CALN1: variants seen among roughly 807,000 people sequenced by gnomAD.
CALN1 encodes the protein calcium-binding protein 8.
CALN1 carries 17 observed loss-of-function variants against 30.6 expected under a neutral mutation model. That is an observed-to-expected ratio of 0.56 (90% confidence interval 0.38 to 0.83). CALN1 has a LOEUF of 0.83. Among genes scored for constraint, CALN1 ranks in the 40% least tolerant of loss-of-function variants. CALN1 has a pLI of 0.00. For missense variants in CALN1, 291 were observed against 354.9 expected (o/e 0.82, Z 1.45); for synonymous variants, 156 against 131.4 (o/e 1.19, Z -1.28).
the CALN1 span, among the ~76,000 whole-genome samples, chr7:72,470,663 T>C: frequency 6.6e-6 from 1 of 152,154 alleles, no homozygotes; most frequent in Non-Finnish European, 1.5e-5. Context: ...AAATATAAAA[T>C]TAAAATTAAA....
intron 3 of CALN1, among the ~76,000 whole-genome samples, chr7:72,122,631 T>TG (rs1161303744): frequency 1.3e-5 from 2 of 151,944 alleles, no homozygotes; most frequent in African/African-American, 4.8e-5. Context: ...GAGACTGAGG[T>TG]GGGGGGATCA....
At chr7:72,139,758 CCTT>C (rs1809761998) in intron 3 of CALN1, among the ~76,000 whole-genome samples, 1 of 152,232 alleles carries the variant, frequency 6.6e-6, no homozygotes, top group Non-Finnish European at 1.5e-5. Flanking sequence ...CTCTGCCCCT[CCTT>C]AACCCACCCT....
rs142146119 is a variant in CALN1 at position 71,810,126 on chromosome 7, A to G, written c.658+210T>C. Among the ~76,000 whole-genome samples the G allele has an allele frequency of 4.3e-3, 660 of 152,260 alleles. 2 individuals carry two copies. The highest frequency in any genetic ancestry group is 0.014 in the African/African-American group (561 of 41,548). ...AAGACAGGGTCAGTGGAGATTCTGC[A>G]AAAAATGCAGAATTTGGAGGAGAAA... On this transcript the variant is annotated intron_variant, in intron 6 of 6. Transcript: ENST00000395275.
chr7:72,091,304 C>T (rs1227491109), intron 4 of CALN1, among the ~76,000 whole-genome samples: 1 of 152,222 alleles, frequency 6.6e-6, no homozygotes, highest in Non-Finnish European at 1.5e-5. Context: ...GCACTCCAGT[C>T]TGGGTGACAG....
intron 2 of CALN1, among the ~76,000 whole-genome samples, chr7:72,354,630 C>G (rs1463989270): frequency 6.6e-6 from 1 of 152,190 alleles, no homozygotes; most frequent in Admixed American, 6.5e-5. Context: ...TAGGAATAGA[C>G]TCACTTGCGT....
intron 5 of CALN1, among the ~76,000 whole-genome samples, chr7:71,898,846 A>C (rs866240831): frequency 7.2e-5 from 11 of 152,224 alleles, no homozygotes; most frequent in African/African-American, 9.6e-5. Context: ...GGATACAAGA[A>C]GACACTGGAA....
chr7:72,178,889 G>C (rs1789559851), intron 3 of CALN1, among the ~76,000 whole-genome samples: 1 of 152,084 alleles, frequency 6.6e-6, no homozygotes, highest in Admixed American at 6.5e-5. Flanking sequence ...AAGTTTATTT[G>C]ATAAAGTCTG....
intron 2 of CALN1, among the ~76,000 whole-genome samples, chr7:72,351,342 G>A (rs10255729): frequency 0.37 from 55,731 of 151,926 alleles, 11,076 homozygotes; most frequent in Admixed American, 0.45. Context: ...GTCTCTATTC[G>A]AGAATTTATA....
chr7:72,192,421 G>T (rs12699126), intron 3 of CALN1, among the ~76,000 whole-genome samples: 3,288 of 152,194 alleles, frequency 0.022, 54 homozygotes, highest in Non-Finnish European at 0.037. Flanking sequence ...GGATGGGGCG[G>T]GCATTGTTCT....
chr7:72,140,947 C>A (rs1809888292), intron 3 of CALN1, among the ~76,000 whole-genome samples: 1 of 152,176 alleles, frequency 6.6e-6, no homozygotes, highest in Admixed American at 6.5e-5. Context: ...AGGAAGACAG[C>A]CCCATTGTGA....
intron 2 of CALN1, among the ~76,000 whole-genome samples, chr7:72,394,926 G>A (rs1047530899): frequency 2.6e-5 from 4 of 152,048 alleles, no homozygotes; most frequent in African/African-American, 7.2e-5. Context: ...CCAAAGTGCT[G>A]GGATTACAGG....
chr7:72,198,906 T>TA (rs973325084), intron 3 of CALN1, among the ~76,000 whole-genome samples: 1 of 152,174 alleles, frequency 6.6e-6, no homozygotes, highest in Non-Finnish European at 1.5e-5. Flanking sequence ...TCCCTGTACT[T>TA]ACCTCTGTGC....
intron 3 of CALN1, among the ~76,000 whole-genome samples, chr7:72,188,649 A>G (rs900270553): frequency 1.3e-5 from 2 of 152,188 alleles, no homozygotes; most frequent in Non-Finnish European, 1.5e-5. Context: ...GATCACCACT[A>G]AAGAACTTAC....
intron 5 of CALN1, among the ~76,000 whole-genome samples, chr7:72,023,098 C>T (rs1039679396): frequency 5.3e-5 from 8 of 151,980 alleles, no homozygotes; most frequent in East Asian, 1.9e-4. Flanking sequence ...ATAATTGTCA[C>T]ATTTTAAGAG....
At chr7:72,443,640 C>T (rs1180940991) in intron 1 of CALN1, among the ~76,000 whole-genome samples, 1 of 151,792 alleles carries the variant, frequency 6.6e-6, no homozygotes, top group African/African-American at 2.4e-5. Flanking sequence ...GAAGCCTTTC[C>T]CAAGGCCAAG....
At chr7:72,366,344 T>C (rs1803877141) in intron 2 of CALN1, among the ~76,000 whole-genome samples, 1 of 151,944 alleles carries the variant, frequency 6.6e-6, no homozygotes, top group South Asian at 2.1e-4. Flanking sequence ...CCCAGCTAAT[T>C]TTTATATTTT....
At chr7:72,453,130 A>G in the CALN1 span, among the ~76,000 whole-genome samples, 1 of 152,216 alleles carries the variant, frequency 6.6e-6, no homozygotes, top group African/African-American at 2.4e-5. Flanking sequence ...CCCTAGTGGT[A>G]GTAGTAATGC....
intron 4 of CALN1, among the ~76,000 whole-genome samples, chr7:72,032,843 T>A (rs376648800): frequency 6.6e-6 from 1 of 152,120 alleles, no homozygotes; most frequent in Non-Finnish European, 1.5e-5. Context: ...CAGAAAAGAA[T>A]TGGTCTGATG....
chr7:72,372,664 G>GA (rs1337075734), intron 2 of CALN1, among the ~76,000 whole-genome samples: 2 of 152,098 alleles, frequency 1.3e-5, no homozygotes, highest in African/African-American at 4.8e-5. Context: ...GGACAGATCT[G>GA]AATAGCAATG....
Sources: allele counts gnomAD v4.1 joint callset (sites outside exome capture counted in the v4.1 genomes callset), GRCh38; gene constraint gnomAD v4.1.1; transcripts MANE v1.5; gene names NCBI Gene and HGNC (gene_info 2026-07-23, HGNC 2026-07-21).